Variants in AGMO observed in about 807,000 individuals in gnomAD.
AGMO encodes the protein glyceryl-ether monooxygenase.
Under a neutral mutation model 60.2 loss-of-function variants are expected in AGMO, and 75 were observed. That is an observed-to-expected ratio of 1.25 (90% CI 1.03 to 1.51). The LOEUF (loss-of-function observed/expected upper bound fraction) is 1.51, where lower values mean the gene tolerates loss of function less well. AGMO is among the 40% of genes most tolerant of loss of function. The probability of loss-of-function intolerance (pLI) is 0.00; values close to 1 mark genes in which losing one functional copy is unlikely to be tolerated. For synonymous variants in AGMO, 261 were observed against 177.1 expected, an observed-to-expected ratio of 1.47 and a Z score of -3.76; for missense variants, 763 against 525.5, an observed-to-expected ratio of 1.45 and a Z score of -4.42.
the AGMO span, among the ~76,000 whole-genome samples, chr7:15,191,593 A>T: frequency 6.6e-6 from 1 of 152,208 alleles, no homozygotes; most frequent in Non-Finnish European, 1.5e-5. Context: ...TCTTATAATT[A>T]AGGGCAACGA....
At chr7:15,274,278 T>C (rs964815713) in intron 12 of AGMO, among the ~76,000 whole-genome samples, 2 of 152,146 alleles carry the variant, frequency 1.3e-5, no homozygotes, top group Non-Finnish European at 2.9e-5. Context: ...ATAGCTCTTA[T>C]TGAGATATGT....
At chr7:15,262,773 A>G (rs1281146461) in intron 12 of AGMO, among the ~76,000 whole-genome samples, 5 of 152,054 alleles carry the variant, frequency 3.3e-5, no homozygotes, top group Admixed American at 6.6e-5. Context: ...CCAGAAATAA[A>G]GCCAAATACT....
At chr7:15,195,101 C>T in the AGMO span, among the ~76,000 whole-genome samples, 3 of 152,076 alleles carry the variant, frequency 2.0e-5, no homozygotes, top group Non-Finnish European at 4.4e-5. Flanking sequence ...GCACACATAC[C>T]TCACACTACT....
At chr7:15,140,582 C>A in the AGMO span, among the ~76,000 whole-genome samples, 1 of 152,014 alleles carries the variant, frequency 6.6e-6, no homozygotes, top group Non-Finnish European at 1.5e-5. Flanking sequence ...AATCTCCTTG[C>A]TTCCTTGTGC....
At chr7:15,195,558 A>G (rs775544687), downstream of AGMO, among the ~76,000 whole-genome samples, 13 of 152,220 alleles carry the variant, frequency 8.5e-5, no homozygotes, top group Non-Finnish European at 1.8e-4. Context: ...TCTGCTCCTT[A>G]CCGTACACGT....
chr7:15,342,040 T>A (rs1247773143), intron 12 of AGMO, among the ~76,000 whole-genome samples: 4 of 151,900 alleles, frequency 2.6e-5, no homozygotes, highest in Non-Finnish European at 5.9e-5. Flanking sequence ...TATCTCGCCA[T>A]GAATGCTCAC....
At chr7:15,290,120 C>A (rs748098625) in intron 12 of AGMO, among the ~76,000 whole-genome samples, 1 of 151,276 alleles carries the variant, frequency 6.6e-6, no homozygotes, top group Non-Finnish European at 1.5e-5. Flanking sequence ...ACCTCTGCCT[C>A]CCTGGTTCCA....
At chr7:15,163,459 G>A in the AGMO span, among the ~76,000 whole-genome samples, 1 of 151,974 alleles carries the variant, frequency 6.6e-6, no homozygotes, top group Non-Finnish European at 1.5e-5. Flanking sequence ...CTGTTGGTTT[G>A]TCATATATGG....
chr7:15,408,473 G>A (rs1281008407), intron 5 of AGMO, among the ~76,000 whole-genome samples: 3 of 151,838 alleles, frequency 2.0e-5, no homozygotes, highest in Non-Finnish European at 2.9e-5. Context: ...CAATAGAGAT[G>A]GAAAGGCAAG....
chr7:15,426,810 G>A (rs763008790), intron 4 of AGMO, among the ~76,000 whole-genome samples: 1 of 152,038 alleles, frequency 6.6e-6, no homozygotes, highest in Non-Finnish European at 1.5e-5. Flanking sequence ...AATTTTCCAG[G>A]CAGAGGTAAT....
intron 10 of AGMO, among the ~76,000 whole-genome samples, chr7:15,369,339 G>A (rs1257438695): frequency 2.0e-5 from 3 of 151,858 alleles, no homozygotes; most frequent in East Asian, 1.9e-4. Flanking sequence ...ACCCTCCAGG[G>A]GCTCACTCAG....
chr7:15,328,055 T>C (rs1302399372), intron 12 of AGMO, among the ~76,000 whole-genome samples: 1 of 151,436 alleles, frequency 6.6e-6, no homozygotes, highest in Non-Finnish European at 1.5e-5. Context: ...GGATTGCAGG[T>C]ATGAGACACT....
At chr7:15,406,337 C>T (rs907005352) in intron 5 of AGMO, among the ~76,000 whole-genome samples, 2 of 139,938 alleles carry the variant, frequency 1.4e-5, no homozygotes, top group Non-Finnish European at 3.1e-5. Flanking sequence ...ATGGAATATA[C>T]ATATATATGT....
intron 5 of AGMO, among the ~76,000 whole-genome samples, chr7:15,404,156 G>A (rs1451033144): frequency 2.0e-5 from 3 of 151,892 alleles, no homozygotes; most frequent in African/African-American, 7.2e-5. Context: ...AATTTCTGAT[G>A]AATCCATACC....
At chr7:15,512,034 GAGAAA>G (rs1290382860) in intron 3 of AGMO, among the ~76,000 whole-genome samples, 1 of 150,312 alleles carries the variant, frequency 6.7e-6, no homozygotes, top group Non-Finnish European at 1.5e-5. Context: ...AGAAAGAGAA[GAGAAA>G]AGAAAATGAA....
chr7:15,519,984 CAAA>C (rs61041008), intron 3 of AGMO, among the ~76,000 whole-genome samples: 17 of 110,772 alleles, frequency 1.5e-4, no homozygotes, highest in Non-Finnish European at 2.2e-4. Flanking sequence ...AATGGGAAGC[CAAA>C]AAAAAAAAAA....
intron 12 of AGMO, among the ~76,000 whole-genome samples, chr7:15,221,791 A>C (rs557864940): frequency 3.7e-4 from 57 of 152,300 alleles, no homozygotes; most frequent in African/African-American, 1.3e-3. Flanking sequence ...CTAGAGAAAA[A>C]TCCAACAAAG....
the AGMO span, among the ~76,000 whole-genome samples, chr7:15,154,686 C>G: frequency 6.6e-6 from 1 of 152,108 alleles, no homozygotes; most frequent in East Asian, 1.9e-4. Context: ...TATATAGTTG[C>G]TTTATAGTGT....
At chr7:15,376,756 C>T (rs1006770586) in intron 10 of AGMO, among the ~76,000 whole-genome samples, 1 of 151,978 alleles carries the variant, frequency 6.6e-6, no homozygotes. Context: ...CATGATATCA[C>T]CCCAGGAAGT....
Sources: gnomAD v4.1 joint callset for allele counts (sites outside exome capture counted in the v4.1 genomes callset) on GRCh38, gnomAD v4.1.1 for gene constraint, MANE v1.5 for transcripts, NCBI Gene and HGNC (gene_info 2026-07-23, HGNC 2026-07-21) for gene names.